Variants in COL27A1 observed in about 807,000 individuals in gnomAD.
COL27A1 encodes the protein collagen alpha-1(XXVII) chain.
COL27A1 carries 106 observed loss-of-function variants against 251.3 expected under a neutral mutation model. That is an observed-to-expected ratio of 0.42 (90% CI 0.36 to 0.50). COL27A1 has a LOEUF of 0.50. COL27A1 is among the 20% of genes least tolerant of loss of function. The probability of loss-of-function intolerance (pLI) is 0.00; values close to 1 mark genes in which losing one functional copy is unlikely to be tolerated. For missense variants in COL27A1, 2,325 were observed against 2,522.8 expected (o/e 0.92, Z 1.68); for synonymous variants, 1,000 against 986.3 (o/e 1.01, Z -0.26).
intron 36 of COL27A1, chr9:114,271,017 C>G (rs1409019676): frequency 3.9e-6 from 2 of 509,918 alleles, no homozygotes; most frequent in Non-Finnish European, 6.8e-6. Context: ...TCCAGTCTTT[C>G]CTGCTACCCT....
intron 5 of COL27A1, among the ~76,000 whole-genome samples, chr9:114,193,289 A>G (rs1828874908): frequency 6.6e-6 from 1 of 152,110 alleles, no homozygotes; most frequent in Admixed American, 6.5e-5. Context: ...AAAGGAGAGG[A>G]GCCGCAGCCA....
intron 41 of COL27A1, among the ~76,000 whole-genome samples, chr9:114,288,157 G>A (rs895314680): frequency 6.6e-6 from 1 of 152,148 alleles, no homozygotes; most frequent in African/African-American, 2.4e-5. Context: ...AGGCCACACG[G>A]CTGGTCCTTT....
intron 60 of COL27A1, 77 bp from the exon 61 acceptor site, chr9:114,310,472 G>A (rs935366815): frequency 5.2e-6 from 8 of 1,531,060 alleles, no homozygotes; most frequent in Non-Finnish European, 6.3e-6. Context: ...TGTGAGGAAA[G>A]ATGGAAGGGA....
intron 7 of COL27A1, 119 bp from the exon 8 acceptor site, chr9:114,204,983 T>G (rs2567719): frequency 0.66 from 567,128 of 862,516 alleles, 189,411 homozygotes; most frequent in Admixed American, 0.71. Flanking sequence ...GAGTGCACAC[T>G]CCATCCCGGA....
chr9:114,161,729 G>C (rs1311765956), intron 1 of COL27A1, among the ~76,000 whole-genome samples: 1 of 152,190 alleles, frequency 6.6e-6, no homozygotes, highest in Non-Finnish European at 1.5e-5. Context: ...TGCCTGCCTG[G>C]GGATCAGATA....
rs367640996 is a variant in COL27A1, at chr9:114,290,881, C to A, written c.4440C>A (p.Ala1480=). 1 of 1,551,692 alleles carries A rather than the reference C, an allele frequency of 6.4e-7. No homozygotes were observed. The highest frequency in any genetic ancestry group is 2.0e-5 in the Admixed American group (1 of 51,002). The change falls in exon 48 of 61, where the codon GCC becomes GCA. Residue 1480 remains alanine, a synonymous_variant. Coordinates refer to ENST00000356083, the MANE Select transcript of COL27A1 (RefSeq NM_032888.4). The surrounding 1 kb of genome is among the most constrained non-coding windows in gnomAD (Gnocchi z 4.6). Reference sequence around the variant, plus strand: ...GGAAGAGAGGAAATCCAGGTGTGGCCGGCTTACCTGGAGCACAGGGACCCC... The same window carrying A: ...GGAAGAGAGGAAATCCAGGTGTGGCAGGCTTACCTGGAGCACAGGGACCCC... The part of the protein sequence containing the change: ...PAGKRGNPGV[A]GLPGAQGPPG...
At chr9:114,176,549 G>C (rs1408613910) in intron 3 of COL27A1, among the ~76,000 whole-genome samples, 1 of 149,386 alleles carries the variant, frequency 6.7e-6, no homozygotes, top group Non-Finnish European at 1.5e-5. Context: ...GTGGGGGGGG[G>C]TGCCCTATGT....
chr9:114,281,302 C>A (rs1016922444), intron 37 of COL27A1, among the ~76,000 whole-genome samples: 2 of 152,282 alleles, frequency 1.3e-5, no homozygotes, highest in Non-Finnish European at 2.9e-5. Flanking sequence ...TCTTCTCTTT[C>A]TCTCTGTGTC....
rs538640589 is a variant in COL27A1 at position 114,284,943 on chromosome 9, C to T, written c.3987+166C>T. 1.4e-4 allele frequency among the ~76,000 whole-genome samples: 22 copies of T among 152,338 alleles called. No individual in the cohort carries two copies. The East Asian group carries it at 2.1e-3, about 15-fold the overall frequency. On this transcript the variant is annotated intron_variant, in intron 41 of 60. Coordinates refer to ENST00000356083, the MANE Select transcript of COL27A1 (RefSeq NM_032888.4). ...GGTGTCACTGCCACTGTGCCCAGCC[C>T]GCAGGAGCTGTCAGATCCACATTCA...
intron 3 of COL27A1, among the ~76,000 whole-genome samples, chr9:114,174,532 G>A (rs993966711): frequency 6.6e-6 from 1 of 152,152 alleles, no homozygotes; most frequent in Non-Finnish European, 1.5e-5. Context: ...TCTTCCTGGG[G>A]TCTCCCATTG....
chr9:114,227,719 C>G (rs917776949), intron 14 of COL27A1, among the ~76,000 whole-genome samples: 11 of 151,826 alleles, frequency 7.2e-5, no homozygotes, highest in Non-Finnish European at 1.5e-4. Context: ...GTCAGTGAGA[C>G]GAAGGGCACA....
rs767202889 is a variant in COL27A1, at chr9:114,168,551, A to G, written c.996A>G (p.Ala332=). 2 of 1,613,966 alleles carry G rather than the reference A, an allele frequency of 1.2e-6. No individual in the cohort carries two copies. Among genetic ancestry groups the G allele is most frequent in the Admixed American group, 1.7e-5 (1 of 60,016 alleles). ...LLPAKLSASN[A]LDPMLPASVG... ...CTGCCAAGCTGTCAGCCAGTAACGC[A>G]CTTGATCCCATGCTCCCAGCCTCTG... Residue 332 remains alanine, a synonymous_variant, in exon 3 of 61, where the codon GCA becomes GCG. Transcript: ENST00000356083.
rs978055281 is a variant in COL27A1, at chr9:114,251,096, G to A, written c.3033+428G>A. Among the ~76,000 whole-genome samples, 8 of 152,212 alleles carry A rather than the reference G, an allele frequency of 5.3e-5. No homozygotes were observed. The East Asian group carries it at 1.2e-3, about 22-fold the overall frequency. On this transcript the variant is annotated intron_variant, in intron 25 of 60. Coordinates refer to ENST00000356083, the MANE Select transcript of COL27A1 (RefSeq NM_032888.4). ...ACTCCAGGTCACCCAGATAATAAGT[G>A]GCAGTGCTGAGATTTGAACCAGGTT...
upstream of COL27A1, among the ~76,000 whole-genome samples, chr9:114,154,200 C>T (rs1847994257): frequency 6.6e-6 from 1 of 152,056 alleles, no homozygotes; most frequent in Admixed American, 6.5e-5. The surrounding 1 kb of genome is among the most constrained non-coding windows in gnomAD (Gnocchi z 5.8). Flanking sequence ...GGCGCAGTCC[C>T]GCGCGCCCAT....
At chr9:114,252,391 G>C (rs2135530194) in intron 25 of COL27A1, among the ~76,000 whole-genome samples, 1 of 152,328 alleles carries the variant, frequency 6.6e-6, no homozygotes, top group Admixed American at 6.5e-5. Context: ...TCCAGGGCTT[G>C]CCAGAGGTCT....
chr9:114,184,676 C>T (rs550709184), intron 5 of COL27A1, among the ~76,000 whole-genome samples: 3 of 152,258 alleles, frequency 2.0e-5, no homozygotes, highest in Admixed American at 6.5e-5. Context: ...ACTGTTCATG[C>T]GTTTGATGTG....
rs142121811 is a variant in COL27A1, at chr9:114,292,209, C to T, written c.4583C>T (p.Pro1528Leu). The change falls in exon 49 of 61, where the codon CCG becomes CTG. Residue 1528 changes from proline (P) to leucine (L), a missense_variant and splice_region_variant. Physicochemically the swap from Pro to Leu is moderately conservative, Grantham distance 98 (BLOSUM62 -3). Around this residue, in one of 4 missense-constraint regions of COL27A1, gnomAD observed 153 missense variants for 140.7 expected, o/e 1.09. Coordinates refer to ENST00000356083, the MANE Select transcript of COL27A1 (RefSeq NM_032888.4). ...NQGEPGSKGQ[P>L]GDSGEMGFPG... ...GGGGAGCCTGGGTCCAAAGGCCAGC[C>T]GGTGAGTGAGCGCCAAAGAATACAC... 115 of 1,552,386 alleles carry T rather than the reference C, an allele frequency of 7.4e-5. No individual in the cohort carries two copies. The African/African-American group carries it at 8.7e-4, about 12-fold the overall frequency.
intron 36 of COL27A1, chr9:114,273,523 A>G (rs1483622793): frequency 6.6e-6 from 1 of 152,276 alleles, no homozygotes; most frequent in Non-Finnish European, 1.5e-5. Flanking sequence ...CCCAGCTTGA[A>G]GCAATGAGCA....
chr9:114,300,802 TGCCCACAG>T (rs1828565010), intron 51 of COL27A1, 115 bp downstream of exon 51: 1 of 910,424 alleles, frequency 1.1e-6, no homozygotes, highest in African/African-American at 1.7e-5. Context: ...GAGCCCTTTC[TGCCCACAG>T]GCCTGGTTCC....
Sources: gnomAD v4.1 joint callset for allele counts (sites outside exome capture counted in the v4.1 genomes callset) on GRCh38, gnomAD v4.1.1 for gene constraint, gnomAD v4.1.1 regional missense constraint, Gnocchi (gnomAD v3.1) non-coding constraint, MANE v1.5 for transcripts, NCBI Gene and HGNC (gene_info 2026-07-23, HGNC 2026-07-21) for gene names.